Variants in PAPSS1 observed in about 807,000 individuals in gnomAD.
PAPSS1 encodes the protein bifunctional 3'-phosphoadenosine 5'-phosphosulfate synthase 1.
Under a neutral mutation model 72.0 loss-of-function variants are expected in PAPSS1, and 50 were observed. The ratio of observed to expected loss-of-function variants is 0.69; its 90% CI spans 0.55 to 0.88. The LOEUF (loss-of-function observed/expected upper bound fraction) is 0.88, where lower values mean the gene tolerates loss of function less well. Ranked by LOEUF, PAPSS1 falls within the 40% of genes least tolerant of loss-of-function variation. PAPSS1 has a pLI of 0.00. For synonymous variants in PAPSS1, 261 were observed against 263.6 expected, an observed-to-expected ratio of 0.99 and a Z score of 0.09; for missense variants, 657 against 782.2, an observed-to-expected ratio of 0.84 and a Z score of 1.91.
At chr4:107,705,442 C>T (rs1004500984) in intron 1 of PAPSS1, among the ~76,000 whole-genome samples, 7 of 152,156 alleles carry the variant, frequency 4.6e-5, no homozygotes, top group Non-Finnish European at 8.8e-5. Context: ...GTAAGATGTG[C>T]CCTGCTTCCT....
At chr4:107,714,951 T>TATCC (rs1186309121) in intron 1 of PAPSS1, among the ~76,000 whole-genome samples, 1 of 152,074 alleles carries the variant, frequency 6.6e-6, no homozygotes. Flanking sequence ...AATTTCAAAG[T>TATCC]ATCCACTCAC....
At chr4:107,622,300 C>T (rs926666912) in intron 11 of PAPSS1, among the ~76,000 whole-genome samples, 3 of 152,186 alleles carry the variant, frequency 2.0e-5, no homozygotes, top group Admixed American at 6.5e-5. Context: ...GTTTACTGCT[C>T]CATGCATATC....
At chr4:107,715,275 A>G (rs1336179153) in intron 1 of PAPSS1, among the ~76,000 whole-genome samples, 2 of 152,222 alleles carry the variant, frequency 1.3e-5, no homozygotes, top group African/African-American at 2.4e-5. Context: ...CCTCACTATC[A>G]TTCGTCTTAT....
At chr4:107,628,083 C>T (rs911326284) in intron 11 of PAPSS1, among the ~76,000 whole-genome samples, 2 of 152,080 alleles carry the variant, frequency 1.3e-5, no homozygotes, top group African/African-American at 4.8e-5. Flanking sequence ...GAATATCTTC[C>T]GTCTTGAATT....
At chr4:107,653,705 C>G in intron 8 of PAPSS1, 79 bp from the exon 9 acceptor site, 2 of 1,215,488 alleles carry the variant, frequency 1.6e-6, no homozygotes, top group East Asian at 5.1e-5. Flanking sequence ...AAGCTAAATA[C>G]AGTCGTTGTA....
chr4:107,641,438 T>C (rs1443960988), intron 10 of PAPSS1, among the ~76,000 whole-genome samples: 1 of 152,216 alleles, frequency 6.6e-6, no homozygotes, highest in African/African-American at 2.4e-5. Context: ...GAGGGCTTTA[T>C]TCTCCTGTTG....
chr4:107,691,927 C>A lies in PAPSS1; in HGVS notation c.411+1844G>T, dbSNP rs182899190. On this transcript the variant is annotated intron_variant, in intron 3 of 11. Transcript: ENST00000265174. ...ACCATCTTATCTTTGACAAACCTGACAAAAACAAGCAGTGGGAAAGGATTC... is the reference window on the plus strand; with the variant it reads ...ACCATCTTATCTTTGACAAACCTGAAAAAAACAAGCAGTGGGAAAGGATTC... Among the ~76,000 whole-genome samples the A allele has an allele frequency of 7.1e-3, 1,078 of 151,400 alleles. 12 individuals are homozygous for A. Among genetic ancestry groups the A allele is most frequent in the African/African-American group, 0.025 (1,035 of 41,260 alleles).
At chr4:107,686,671 ATTT>A (rs374240296) in intron 4 of PAPSS1, among the ~76,000 whole-genome samples, 1 of 152,206 alleles carries the variant, frequency 6.6e-6, no homozygotes, top group Non-Finnish European at 1.5e-5. Context: ...TAATTCAGGC[ATTT>A]TTTCCAATAG....
At chr4:107,702,199 T>C (rs1235791792) in intron 1 of PAPSS1, among the ~76,000 whole-genome samples, 1 of 152,176 alleles carries the variant, frequency 6.6e-6, no homozygotes, top group Non-Finnish European at 1.5e-5. Context: ...GGGGAGGATA[T>C]GGAAATATTG....
intron 9 of PAPSS1, 139 bp downstream of exon 9, chr4:107,653,352 A>T: frequency 3.2e-6 from 2 of 624,572 alleles, no homozygotes; most frequent in Non-Finnish European, 2.5e-6. Flanking sequence ...GCTAGTTTTG[A>T]TTGACTACCT....
intron 1 of PAPSS1, among the ~76,000 whole-genome samples, chr4:107,704,487 G>C (rs1723285150): frequency 6.6e-6 from 1 of 152,176 alleles, no homozygotes; most frequent in South Asian, 2.1e-4. Flanking sequence ...TTGTGGGCTT[G>C]AACTATGTAG....
intron 1 of PAPSS1, among the ~76,000 whole-genome samples, chr4:107,717,347 T>G (rs951069393): frequency 2.0e-5 from 3 of 152,188 alleles, no homozygotes; most frequent in African/African-American, 4.8e-5. Context: ...GGTCCAGCAC[T>G]AACAAGCTCC....
chr4:107,720,203 C>A lies in PAPSS1; in HGVS notation c.-24G>T. ...ATGACCGCGGAGCGCGCTGAGCAGC[C>A]GGGGTTCTCTGCGCCGGGAGGGTAG... On this transcript the variant is annotated 5_prime_UTR_variant, in exon 1 of 12. Coordinates refer to ENST00000265174, the MANE Select transcript of PAPSS1 (RefSeq NM_005443.5). The A allele has an allele frequency of 6.3e-7, 1 of 1,595,262 alleles. No homozygotes were observed. Among genetic ancestry groups the A allele is most frequent in the Non-Finnish European group, 8.5e-7 (1 of 1,172,776 alleles).
chr4:107,700,986 A>G (rs1042486581), intron 2 of PAPSS1, among the ~76,000 whole-genome samples, 185 bp downstream of exon 2: 1 of 149,482 alleles, frequency 6.7e-6, no homozygotes, highest in Non-Finnish European at 1.5e-5. Context: ...TTTATTTAAC[A>G]GCAATCCTAT....
At chr4:107,678,878 C>T (rs1727730355) in intron 5 of PAPSS1, among the ~76,000 whole-genome samples, 2 of 152,132 alleles carry the variant, frequency 1.3e-5, no homozygotes, top group African/African-American at 2.4e-5. Flanking sequence ...ACCCTCAAAC[C>T]TTCCCAGGGT....
At chr4:107,697,543 T>TCATA (rs1647086256) in intron 2 of PAPSS1, among the ~76,000 whole-genome samples, 1 of 152,208 alleles carries the variant, frequency 6.6e-6, no homozygotes, top group African/African-American at 2.4e-5. Context: ...AAGTGTCTGT[T>TCATA]CATACATACA....
At chr4:107,686,619 G>A (rs962911628) in intron 4 of PAPSS1, among the ~76,000 whole-genome samples, 13 of 152,256 alleles carry the variant, frequency 8.5e-5, no homozygotes, top group African/African-American at 1.9e-4. Context: ...TCCAAGGATC[G>A]TAATAAAGTA....
At chr4:107,645,701 C>T (rs1377411876) in intron 9 of PAPSS1, among the ~76,000 whole-genome samples, 1 of 152,172 alleles carries the variant, frequency 6.6e-6, no homozygotes, top group East Asian at 1.9e-4. Context: ...TTATCTCCTG[C>T]TTACAACCCT....
At chr4:107,676,533 G>A (rs1458933401) in intron 5 of PAPSS1, among the ~76,000 whole-genome samples, 1 of 152,180 alleles carries the variant, frequency 6.6e-6, no homozygotes, top group Admixed American at 6.5e-5. Context: ...TGAAATAAAA[G>A]AGGATACAAA....
Sources: allele counts gnomAD v4.1 joint callset (sites outside exome capture counted in the v4.1 genomes callset), GRCh38; gene constraint gnomAD v4.1.1; transcripts MANE v1.5; gene names NCBI Gene and HGNC (gene_info 2026-07-23, HGNC 2026-07-21).